The following KCNK3 variants were observed in gnomAD, a reference collection of about 807,000 sequenced individuals.
KCNK3 encodes potassium channel subfamily K member 3.
A neutral mutation model predicts 27.3 loss-of-function variants in KCNK3; 9 were observed. The observed-to-expected ratio is 0.33, with a 90% CI of 0.20 to 0.57. KCNK3 has a LOEUF of 0.57. KCNK3 is among the 20% of genes least tolerant of loss of function. The pLI is 0.87. For synonymous variants in KCNK3, 278 were observed against 273.8 expected (o/e 1.02, Z -0.15); for missense variants, 391 against 577.7 (o/e 0.68, Z 3.31).
chr2:26,725,959 A>C (rs1165223291), intron 1 of KCNK3, among the ~76,000 whole-genome samples: 1 of 152,170 alleles, frequency 6.6e-6, no homozygotes, highest in African/African-American at 2.4e-5. Flanking sequence ...GATAGGTACC[A>C]GGCTCTGGGC....
chr2:26,699,122 G>T (rs1050084382), intron 1 of KCNK3, among the ~76,000 whole-genome samples: 25 of 150,278 alleles, frequency 1.7e-4, no homozygotes, highest in Non-Finnish European at 2.4e-4. Context: ...AGGTTGCAGT[G>T]AGCCAAGATC....
intron 1 of KCNK3, among the ~76,000 whole-genome samples, chr2:26,713,709 A>C (rs1308562463): frequency 6.6e-6 from 1 of 151,098 alleles, no homozygotes; most frequent in Non-Finnish European, 1.5e-5. Context: ...CAGAGGTTGT[A>C]GTGAGCTGGA....
chr2:26,693,099 G>C lies in KCNK3; in HGVS notation c.224G>C (p.Gly75Ala). Residue 75 changes from glycine to alanine, a missense_variant, in exon 1 of 2, where the codon GGC becomes GCC. Coordinates refer to ENST00000302909, the MANE Select transcript of KCNK3 (RefSeq NM_002246.3). This position sits in a 1 kb window ranked among gnomAD's most constrained non-coding sequence, Gnocchi z 5.5. Reference protein sequence around the residue: ...VVLRLKPHKAGVQWRFAGSFY... With the variant: ...VVLRLKPHKAAVQWRFAGSFY... ...CTGCGCCTCAAGCCGCACAAGGCCG[G>C]CGTGCAGTGGCGCTTCGCCGGCTCC... 6.3e-7 allele frequency: 1 copy of C among 1,597,440 alleles called. No homozygotes were observed. Among genetic ancestry groups the C allele is most frequent in the Non-Finnish European group, 8.5e-7 (1 of 1,171,982 alleles).
chr2:26,693,269 C>A lies in KCNK3; in HGVS notation c.283+111C>A, dbSNP rs1670193583. The A allele has an allele frequency of 2.8e-6, 3 of 1,083,450 alleles. No homozygotes were observed. Among genetic ancestry groups the A allele is most frequent in the East Asian group, 3.1e-5 (1 of 32,200 alleles). The allele number at this position is 1,083,450 out of a possible 1,614,324, so 67.1% of individuals were successfully genotyped here. On this transcript the variant is annotated intron_variant, in intron 1 of 1. Transcript: ENST00000302909. The surrounding 1 kb of genome is among the most constrained non-coding windows in gnomAD (Gnocchi z 5.5). ...GGGGGCTCCCCCGAGAGGGGCTGGG[C>A]GCCGAACCCTGCGCTCGCAGAAACC... is the stretch of plus-strand genomic sequence containing the variant.
chr2:26,728,303 A>G lies in KCNK3; in HGVS notation c.920A>G (p.Gln307Arg), dbSNP rs758646201. The G allele has an allele frequency of 6.2e-7, 1 of 1,601,376 alleles. No individual in the cohort carries two copies. The highest frequency in any genetic ancestry group is 1.1e-5 in the South Asian group (1 of 89,232). Residue 307 changes from glutamine (Q) to arginine (R), a missense_variant, in exon 2 of 2, where the codon CAG (glutamine) becomes CGG (arginine). Physicochemically the swap from Gln to Arg is conservative, Grantham distance 43. Transcript: ENST00000302909. Reference sequence around the variant, plus strand: ...GTCTACGCGGAGGTGCTGCACTTCCAGTCCATGTGCTCGTGCCTGTGGTAC... The same window carrying G: ...GTCTACGCGGAGGTGCTGCACTTCCGGTCCATGTGCTCGTGCCTGTGGTAC... ...RNVYAEVLHF[Q>R]SMCSCLWYKS...
chr2:26,697,131 C>A (rs933829164), intron 1 of KCNK3, among the ~76,000 whole-genome samples: 1 of 152,162 alleles, frequency 6.6e-6, no homozygotes, highest in Admixed American at 6.5e-5. Context: ...GGAAGCATGG[C>A]ACTTGCCCAG....
At position 26,701,115 on chromosome 2, in the gene KCNK3, G is replaced by A. The variant is rs188495330; in HGVS notation, c.283+7957G>A. ...ATCAGATCCATTGTCCACATTTTGA[G>A]TAGCAAGGCTCTAAAGAACCTGGAG... On this transcript the variant is annotated intron_variant, in intron 1 of 1. Coordinates refer to ENST00000302909, the MANE Select transcript of KCNK3 (RefSeq NM_002246.3). 2.1e-3 allele frequency among the ~76,000 whole-genome samples: 316 copies of A among 152,334 alleles called. 1 individual carries two copies. Among genetic ancestry groups the A allele is most frequent in the Non-Finnish European group, 3.6e-3 (242 of 68,034 alleles).
chr2:26,701,127 T>G (rs573309771), intron 1 of KCNK3, among the ~76,000 whole-genome samples: 1 of 152,340 alleles, frequency 6.6e-6, no homozygotes, highest in African/African-American at 2.4e-5. Context: ...AGCAAGGCTC[T>G]AAAGAACCTG....
chr2:26,693,075 T>G lies in KCNK3; in HGVS notation c.200T>G (p.Leu67Arg). 1 of 1,604,342 alleles carries G rather than the reference T, an allele frequency of 6.2e-7. No individual in the cohort carries two copies. Among genetic ancestry groups the G allele is most frequent in the African/African-American group, 1.3e-5 (1 of 74,378 alleles). ...GGYEELERVV[L>R]RLKPHKAGVQ... ...TACGAGGAGCTGGAGCGCGTCGTGCTGCGCCTCAAGCCGCACAAGGCCGGC... is the reference window on the plus strand; with the variant it reads ...TACGAGGAGCTGGAGCGCGTCGTGCGGCGCCTCAAGCCGCACAAGGCCGGC... The change falls in exon 1 of 2, where the codon CTG becomes CGG. Residue 67 changes from leucine (L) to arginine (R), a missense_variant. Physicochemically the swap from Leu to Arg is moderately radical, Grantham distance 102. Transcript: ENST00000302909. The surrounding 1 kb of genome is among the most constrained non-coding windows in gnomAD (Gnocchi z 5.5).
In KCNK3 at chr2:26,708,923, GTGGTGGTGGAGACAGAGCT is replaced by G. The variant is rs1663049487; in HGVS notation, c.283+15768_283+15786del. Among the ~76,000 whole-genome samples the G allele has an allele frequency of 5.3e-5, 8 of 152,292 alleles. No individual in the cohort carries two copies. In the South Asian group the frequency reaches 1.7e-3, roughly 32 times the overall value. On this transcript the variant is annotated intron_variant, in intron 1 of 1. Coordinates refer to ENST00000302909, the MANE Select transcript of KCNK3 (RefSeq NM_002246.3). ...GATGGTGGCGGACTGGACCAGCGTG[GTGGTGGTGGAGACAGAGCT>G]TGTGGGTGGATTGAGCTATGTTTGA...
intron 1 of KCNK3, among the ~76,000 whole-genome samples, chr2:26,703,347 T>C (rs1185212480): frequency 1.3e-5 from 2 of 152,156 alleles, no homozygotes; most frequent in African/African-American, 4.8e-5. Context: ...TGGTATTGGA[T>C]TGAACAACTA....
chr2:26,727,870 G>A lies in KCNK3; in HGVS notation c.487G>A (p.Gly163Ser). 1.2e-6 allele frequency: 2 copies of A among 1,614,136 alleles called. No individual in the cohort carries two copies. The highest frequency in any genetic ancestry group is 8.5e-7 in the Non-Finnish European group (1 of 1,180,002). ...DVSMANMVLI[G>S]FFSCISTLCI... ...GTCCATGGCCAACATGGTGCTCATC[G>A]GCTTCTTCTCGTGCATCAGCACGCT... The change falls in exon 2 of 2, where the codon GGC becomes AGC. Residue 163 changes from glycine to serine, a missense_variant. By Grantham distance (56) the Gly-to-Ser change is moderately conservative. Coordinates refer to ENST00000302909, the MANE Select transcript of KCNK3 (RefSeq NM_002246.3).
At chr2:26,724,347 C>T (rs779656535) in intron 1 of KCNK3, 2 of 152,338 alleles carry the variant, frequency 1.3e-5, no homozygotes. Context: ...AAGTGAAATG[C>T]TCTCCTCCCA....
chr2:26,711,443 C>T (rs1259291368), intron 1 of KCNK3, among the ~76,000 whole-genome samples: 1 of 152,170 alleles, frequency 6.6e-6, no homozygotes. Flanking sequence ...CTGGAAGTCT[C>T]CACTCCAATT....
At chr2:26,698,738 C>T (rs1294888857) in intron 1 of KCNK3, among the ~76,000 whole-genome samples, 1 of 152,172 alleles carries the variant, frequency 6.6e-6, no homozygotes, top group African/African-American at 2.4e-5. Flanking sequence ...CCCCATCTCC[C>T]CGCTCCTCAG....
intron 1 of KCNK3, among the ~76,000 whole-genome samples, chr2:26,710,681 T>C (rs1663095274): frequency 1.3e-5 from 2 of 152,122 alleles, no homozygotes; most frequent in African/African-American, 4.8e-5. Context: ...GGGATGTCTG[T>C]AGCAGCCTCC....
intron 1 of KCNK3, among the ~76,000 whole-genome samples, chr2:26,699,755 T>G (rs1670284516): frequency 6.6e-6 from 1 of 152,202 alleles, no homozygotes; most frequent in South Asian, 2.1e-4. Context: ...GGTCGGGTGC[T>G]GTCCACAACA....
At chr2:26,694,864 C>T (rs1481607063) in intron 1 of KCNK3, among the ~76,000 whole-genome samples, 2 of 152,250 alleles carry the variant, frequency 1.3e-5, no homozygotes, top group Admixed American at 6.5e-5. Flanking sequence ...CACGCGTGTC[C>T]CCTTTCCTTC....
chr2:26,731,476 G>A lies in KCNK3; in HGVS notation c.*2908G>A, dbSNP rs6547211. The A allele has an allele frequency of 0.97, 147,968 of 152,518 alleles. 71,933 individuals are homozygous for A. Among genetic ancestry groups the A allele is most frequent in the East Asian group, 1 (5,176 of 5,176 alleles). 9.4% of individuals were successfully genotyped at this position (152,518 alleles called of 1,614,324 possible). On this transcript the variant is annotated 3_prime_UTR_variant, in exon 2 of 2. Coordinates refer to ENST00000302909, the MANE Select transcript of KCNK3 (RefSeq NM_002246.3). ...TCCCAGCTACTCGGCTACTCAGGAG[G>A]CTGACGCACGAGAATCGCTTGAACC...
Sources: allele counts gnomAD v4.1 joint callset (sites outside exome capture counted in the v4.1 genomes callset), GRCh38; gene constraint gnomAD v4.1.1; non-coding constraint Gnocchi (gnomAD v3.1); transcripts MANE v1.5; gene names NCBI Gene and HGNC (gene_info 2026-07-23, HGNC 2026-07-21).